JMJD1C: variants seen among roughly 807,000 people sequenced by gnomAD.
JMJD1C encodes jumonji domain containing 1C.
JMJD1C carries 31 observed loss-of-function variants against 245.3 expected under a neutral mutation model. That is an observed-to-expected ratio of 0.13 (90% confidence interval 0.09 to 0.17). JMJD1C has a LOEUF of 0.17. Among genes scored for constraint, JMJD1C ranks in the 10% least tolerant of loss-of-function variants. The pLI, the probability that JMJD1C is intolerant of heterozygous loss-of-function variation, is 1.00. For missense variants in JMJD1C, 2,691 were observed against 3,000.2 expected (o/e 0.90, Z 2.41); for synonymous variants, 1,057 against 1,017.4 (o/e 1.04, Z -0.74).
intron 3 of JMJD1C, among the ~76,000 whole-genome samples, chr10:63,228,725 A>T (rs958148085): frequency 2.0e-5 from 3 of 152,196 alleles, no homozygotes; most frequent in Admixed American, 6.6e-5. Flanking sequence ...TATTTCCACA[A>T]ATGCTTGAAA....
At chr10:63,322,700 G>A (rs1941025809) in intron 2 of JMJD1C, among the ~76,000 whole-genome samples, 1 of 151,136 alleles carries the variant, frequency 6.6e-6, no homozygotes, top group Non-Finnish European at 1.5e-5. Context: ...CTACTAGGGA[G>A]GCTGAGGCAG....
chr10:63,463,448 T>C (rs1952941408), intron 1 of JMJD1C, among the ~76,000 whole-genome samples: 1 of 152,214 alleles, frequency 6.6e-6, no homozygotes, highest in Admixed American at 6.5e-5. Flanking sequence ...TTTACAGGCG[T>C]GAGCCACTGT....
chr10:63,272,130 A>C (rs1856383798), intron 2 of JMJD1C, among the ~76,000 whole-genome samples: 2 of 152,168 alleles, frequency 1.3e-5, no homozygotes, highest in African/African-American at 4.8e-5. Context: ...AATTTAGTAT[A>C]TGATGAACTT....
chr10:63,229,512 GAAGAT>G (rs1262881377), intron 3 of JMJD1C, among the ~76,000 whole-genome samples: 1 of 151,926 alleles, frequency 6.6e-6, no homozygotes, highest in Non-Finnish European at 1.5e-5. Flanking sequence ...ATACAATCAA[GAAGAT>G]AATATAAAAT....
intron 3 of JMJD1C, chr10:63,222,982 G>A: frequency 1.4e-6 from 2 of 1,432,948 alleles, no homozygotes; most frequent in South Asian, 2.3e-5. Flanking sequence ...TGAGAGACGA[G>A]GATCCACTGG....
chr10:63,303,353 C>T (rs138697151), intron 2 of JMJD1C, among the ~76,000 whole-genome samples: 6 of 152,148 alleles, frequency 3.9e-5, no homozygotes, highest in East Asian at 3.9e-4. Flanking sequence ...TCGCCCAGGC[C>T]GGAGTACAGT....
intron 2 of JMJD1C, among the ~76,000 whole-genome samples, chr10:63,366,051 T>G (rs1295890419): frequency 6.6e-6 from 1 of 152,196 alleles, no homozygotes; most frequent in Non-Finnish European, 1.5e-5. Flanking sequence ...AACATATCAT[T>G]ATAATGAGCA....
chr10:63,483,455 C>T (rs975430151), intron 1 of JMJD1C, among the ~76,000 whole-genome samples: 6 of 152,170 alleles, frequency 3.9e-5, no homozygotes, highest in Admixed American at 6.5e-5. Flanking sequence ...GCACCCCTGC[C>T]TCTGCGCATT....
rs71025142 is a variant in JMJD1C, at chr10:63,276,902, T to TTTTTTTTG, written c.334-12139_334-12138insCAAAAAAA. 3.5e-5 allele frequency among the ~76,000 whole-genome samples: 5 copies of TTTTTTTTG among 142,122 alleles called. No individual in the cohort carries two copies. In the East Asian group the frequency reaches 1.0e-3, roughly 29 times the overall value. 93.2% of individuals were successfully genotyped at this position (142,122 alleles called of 152,430 possible). ...CTTGGGGCTTTTTTTTTTTTTTTTT[T>TTTTTTTTG]GAGAGAGAGTCTCGCTCTGTCGCCC... is the stretch of plus-strand genomic sequence containing the variant. On this transcript the variant is annotated intron_variant, in intron 2 of 25. Coordinates refer to ENST00000399262, the MANE Select transcript of JMJD1C (RefSeq NM_032776.3).
chr10:63,390,730 T>C (rs887040252), intron 1 of JMJD1C, among the ~76,000 whole-genome samples: 5 of 152,188 alleles, frequency 3.3e-5, no homozygotes, highest in Non-Finnish European at 7.4e-5. Flanking sequence ...TGGTTCAACA[T>C]ATGTAAATCG....
chr10:63,371,967 G>C (rs1452652908), intron 2 of JMJD1C, among the ~76,000 whole-genome samples: 1 of 152,130 alleles, frequency 6.6e-6, no homozygotes, highest in Non-Finnish European at 1.5e-5. Context: ...CTCTTTAAAT[G>C]AACATACTCC....
At chr10:63,351,158 A>T (rs1944329169) in intron 2 of JMJD1C, among the ~76,000 whole-genome samples, 1 of 141,050 alleles carries the variant, frequency 7.1e-6, no homozygotes, top group South Asian at 2.2e-4. Flanking sequence ...GGCCCACTGC[A>T]ACCTCTGCCT....
rs376556502 is a variant in JMJD1C at position 63,352,180 on chromosome 10, G to A, written c.333+28138C>T. On this transcript the variant is annotated intron_variant, in intron 2 of 25. Coordinates refer to ENST00000399262, the MANE Select transcript of JMJD1C (RefSeq NM_032776.3). ...TAACTTGAGGTACTTTGTGTTTAAC[G>A]AAATAAAGGTAAGTTTAGAAATACG... is the stretch of plus-strand genomic sequence containing the variant. Among the ~76,000 whole-genome samples, 7 of 152,090 alleles carry A rather than the reference G, an allele frequency of 4.6e-5. No individual in the cohort carries two copies. In the East Asian group the frequency reaches 7.7e-4, roughly 17 times the overall value.
chr10:63,254,707 T>C (rs7475989), intron 3 of JMJD1C, among the ~76,000 whole-genome samples: 1 of 29,518 alleles, frequency 3.4e-5, no homozygotes, highest in African/African-American at 6.3e-5. Context: ...GTTTTTTTTG[T>C]TTTTTGTTTT....
intron 22 of JMJD1C, among the ~76,000 whole-genome samples, chr10:63,179,617 A>T (rs937046802): frequency 1.3e-5 from 2 of 151,858 alleles, no homozygotes; most frequent in African/African-American, 4.8e-5. Context: ...ACAAAAAAAT[A>T]AAAAAGTTAG....
At chr10:63,335,026 A>AAAG (rs1942568158) in intron 2 of JMJD1C, among the ~76,000 whole-genome samples, 1 of 145,958 alleles carries the variant, frequency 6.9e-6, no homozygotes, top group South Asian at 2.1e-4. Flanking sequence ...GTCTTTGGAA[A>AAAG]AAAATAAAAA....
chr10:63,385,038 T>C (rs986290264), intron 1 of JMJD1C, among the ~76,000 whole-genome samples: 1 of 152,144 alleles, frequency 6.6e-6, no homozygotes, highest in African/African-American at 2.4e-5. Flanking sequence ...AACTATAGGA[T>C]TATTAATTGG....
intron 2 of JMJD1C, among the ~76,000 whole-genome samples, chr10:63,348,950 A>G (rs1944090397): frequency 6.6e-6 from 1 of 151,816 alleles, no homozygotes. Flanking sequence ...AAAATACAAA[A>G]ATTAGCCAGG....
rs1367444686 is a variant in JMJD1C at position 63,388,210 on chromosome 10, G to A, written c.169-7728C>T. ...ATAGTAAAAATGTCACTAAGTCAAA[G>A]ACAGAGAATTCTTTAAAAAGCAAGA... On this transcript the variant is annotated intron_variant, in intron 1 of 25. Coordinates refer to ENST00000399262, the MANE Select transcript of JMJD1C (RefSeq NM_032776.3). 3.9e-5 allele frequency among the ~76,000 whole-genome samples: 6 copies of A among 152,142 alleles called. No homozygotes were observed. In the East Asian group the frequency reaches 1.2e-3, roughly 29 times the overall value.
Sources: allele counts gnomAD v4.1 joint callset (sites outside exome capture counted in the v4.1 genomes callset), GRCh38; gene constraint gnomAD v4.1.1; transcripts MANE v1.5; gene names NCBI Gene and HGNC (gene_info 2026-07-23, HGNC 2026-07-21).